The following SNAP91 variants were observed in gnomAD, a reference collection of about 807,000 sequenced individuals.
SNAP91 encodes the protein synaptosome associated protein 91.
A neutral mutation model predicts 100.3 loss-of-function variants in SNAP91; 27 were observed. The ratio of observed to expected loss-of-function variants is 0.27; its 90% confidence interval spans 0.20 to 0.37. The LOEUF is 0.37. Ranked by LOEUF, SNAP91 falls within the 10% of genes least tolerant of loss-of-function variation. The pLI is 1.00. For synonymous variants in SNAP91, 404 were observed against 398.6 expected, an observed-to-expected ratio of 1.01 and a Z score of -0.16; for missense variants, 986 against 1,123.7, an observed-to-expected ratio of 0.88 and a Z score of 1.75.
At chr6:83,615,586 T>G (rs2096437337) in intron 10 of SNAP91, among the ~76,000 whole-genome samples, 1 of 152,082 alleles carries the variant, frequency 6.6e-6, no homozygotes, top group Admixed American at 6.6e-5. Flanking sequence ...CACGCTGAGA[T>G]TGGAGGCAGA....
rs970051753 is a variant in SNAP91, at chr6:83,656,701, C to T, written c.658+53G>A. 3.2e-5 allele frequency: 24 copies of T among 760,276 alleles called. No homozygotes were observed. In the African/African-American group the frequency reaches 3.8e-4, roughly 12 times the overall value. The allele number at this position is 760,276 out of a possible 1,614,324, so 47.1% of individuals were successfully genotyped here. A position where few individuals can be genotyped will look rare whatever the true frequency, so the allele number is the denominator to read the frequency against. On this transcript the variant is annotated intron_variant, in intron 7 of 29. Transcript: ENST00000369694. Reference sequence around the variant, plus strand: ...AACAGACTCACCCCACAGAATTCATCAATCTTACTGTGTATCCCATCAGCC... The same window carrying T: ...AACAGACTCACCCCACAGAATTCATTAATCTTACTGTGTATCCCATCAGCC...
intron 2 of SNAP91, chr6:83,678,876 T>G: frequency 8.1e-7 from 1 of 1,230,884 alleles, no homozygotes; most frequent in Non-Finnish European, 1.0e-6. Context: ...GAATACAACT[T>G]TAGTTCTCAG....
rs1335857967 is a variant in SNAP91 at position 83,617,719 on chromosome 6, A to C, written c.808-680T>G. Reference sequence around the variant, plus strand: ...AAGAAATACTTGAATGTTTCCTTTTATAAATAATATTTTAGGCAATATAAA... The same window carrying C: ...AAGAAATACTTGAATGTTTCCTTTTCTAAATAATATTTTAGGCAATATAAA... On this transcript the variant is annotated intron_variant, in intron 9 of 29. Transcript: ENST00000369694. Among the ~76,000 whole-genome samples, 7 of 151,826 alleles carry C rather than the reference A, an allele frequency of 4.6e-5. No homozygotes were observed. The East Asian group carries it at 1.3e-3, about 29-fold the overall frequency.
intron 2 of SNAP91, among the ~76,000 whole-genome samples, chr6:83,695,785 G>A (rs1437295693): frequency 6.6e-6 from 1 of 151,848 alleles, no homozygotes; most frequent in African/African-American, 2.4e-5. Flanking sequence ...TCTACAATAG[G>A]GGCCAAAGTC....
intron 2 of SNAP91, among the ~76,000 whole-genome samples, chr6:83,670,411 A>G (rs1001653974): frequency 4.6e-5 from 7 of 151,354 alleles, no homozygotes; most frequent in African/African-American, 1.7e-4. Context: ...GGATTATTTT[A>G]TTATTGAGTT....
chr6:83,661,819 C>T (rs1353956233), intron 4 of SNAP91, among the ~76,000 whole-genome samples: 3 of 152,160 alleles, frequency 2.0e-5, no homozygotes, highest in Non-Finnish European at 4.4e-5. Flanking sequence ...TTCCACCATT[C>T]CAGTACAGAA....
At chr6:83,576,158 T>G (rs1818388825) in intron 24 of SNAP91, 105 bp from the exon 25 acceptor site, 1 of 585,636 alleles carries the variant, frequency 1.7e-6, no homozygotes. Context: ...AAGTCCTTAT[T>G]TTGCCTAGGA....
At chr6:83,707,586 G>A in intron 2 of SNAP91, among the ~76,000 whole-genome samples, 1 of 151,442 alleles carries the variant, frequency 6.6e-6, no homozygotes, top group Non-Finnish European at 1.5e-5. Context: ...CCAAGACCTT[G>A]GAGGTCAATA....
At chr6:83,658,348 G>A (rs1051602835) in intron 6 of SNAP91, among the ~76,000 whole-genome samples, 1 of 152,276 alleles carries the variant, frequency 6.6e-6, no homozygotes, top group East Asian at 1.9e-4. Context: ...GGTGGCTCAT[G>A]CCTGTAATCC....
chr6:83,707,362 G>C (rs891475950), intron 2 of SNAP91, among the ~76,000 whole-genome samples: 1 of 150,306 alleles, frequency 6.7e-6, no homozygotes, highest in Non-Finnish European at 1.5e-5. Flanking sequence ...ATTTAGGAAA[G>C]AACTAGGGTG....
At chr6:83,665,291 T>G in intron 3 of SNAP91, 148 bp downstream of exon 3, 1 of 754,848 alleles carries the variant, frequency 1.3e-6, no homozygotes, top group Non-Finnish European at 2.1e-6. Flanking sequence ...AGGAGAAGAT[T>G]AAACTTGTAT....
At chr6:83,609,717 G>A (rs542645925) in intron 12 of SNAP91, among the ~76,000 whole-genome samples, 1 of 152,236 alleles carries the variant, frequency 6.6e-6, no homozygotes, top group East Asian at 1.9e-4. Context: ...AAAGAGACAA[G>A]GAGGTAAACG....
At chr6:83,688,877 T>C (rs1026039750) in intron 2 of SNAP91, among the ~76,000 whole-genome samples, 3 of 152,206 alleles carry the variant, frequency 2.0e-5, no homozygotes, top group African/African-American at 4.8e-5. Flanking sequence ...ATAGCACTTA[T>C]AATGGCATGT....
intron 3 of SNAP91, among the ~76,000 whole-genome samples, chr6:83,664,100 GAA>G (rs1562565847): frequency 6.6e-6 from 1 of 151,996 alleles, no homozygotes; most frequent in African/African-American, 2.4e-5. Flanking sequence ...TTACTGCTCA[GAA>G]AAAAAGATTC....
chr6:83,684,465 C>T (rs1248592883), intron 2 of SNAP91, among the ~76,000 whole-genome samples: 1 of 152,110 alleles, frequency 6.6e-6, no homozygotes, highest in Non-Finnish European at 1.5e-5. Flanking sequence ...TCCACCTGTC[C>T]ATGAGTGGGC....
At chr6:83,709,218 C>G (rs576603710), upstream of SNAP91, 1 of 152,230 alleles carries the variant, frequency 6.6e-6, no homozygotes, top group Non-Finnish European at 1.5e-5. Context: ...CAGCTACTCA[C>G]ACACACCGCC....
rs1395916135 is a variant in SNAP91, at chr6:83,557,547, A to C, written c.2632-1302T>G. ...AAAATAGCTGGGCACAGTGGCTTGC[A>C]TCTGTGGTCCCAGCTACTCGAGAGG... On this transcript the variant is annotated intron_variant, in intron 28 of 29. Coordinates refer to ENST00000369694, the MANE Select transcript of SNAP91 (RefSeq NM_001242792.2). Among the ~76,000 whole-genome samples the C allele has an allele frequency of 2.6e-5, 4 of 151,948 alleles. No homozygotes were observed. The East Asian group carries it at 7.7e-4, about 29-fold the overall frequency.
chr6:83,670,382 T>C (rs1333852313), intron 2 of SNAP91, among the ~76,000 whole-genome samples: 1 of 151,872 alleles, frequency 6.6e-6, no homozygotes, highest in East Asian at 1.9e-4. Flanking sequence ...TTGGTATACA[T>C]TCTTTTCCTA....
intron 5 of SNAP91, 122 bp from the exon 6 acceptor site, chr6:83,659,214 T>A: frequency 1.4e-6 from 1 of 710,972 alleles, no homozygotes; most frequent in Non-Finnish European, 2.3e-6. Context: ...GTGGGATCAA[T>A]TTGAGGTATT....
Sources: allele counts gnomAD v4.1 joint callset (sites outside exome capture counted in the v4.1 genomes callset), GRCh38; gene constraint gnomAD v4.1.1; transcripts MANE v1.5; gene names NCBI Gene and HGNC (gene_info 2026-07-23, HGNC 2026-07-21).